Variants in CDH20 observed in about 807,000 individuals in gnomAD.
The protein encoded by CDH20 is cadherin 20, also known as cadherin-20.
CDH20 carries 29 observed loss-of-function variants against 74.2 expected under a neutral mutation model. That is an observed-to-expected ratio of 0.39 (90% CI 0.29 to 0.53). The LOEUF is 0.53. Ranked by LOEUF, CDH20 falls within the 20% of genes least tolerant of loss-of-function variation. CDH20 has a pLI of 0.69. For missense variants in CDH20, 988 were observed against 1,048.3 expected, an observed-to-expected ratio of 0.94 and a Z score of 0.79; for synonymous variants, 469 against 405.4, an observed-to-expected ratio of 1.16 and a Z score of -1.88.
At chr18:61,515,191 A>G (rs1398680746) in intron 6 of CDH20, among the ~76,000 whole-genome samples, 1 of 152,142 alleles carries the variant, frequency 6.6e-6, no homozygotes, top group Admixed American at 6.5e-5. Context: ...GGTGCGGGAT[A>G]TAATCTCGTG....
At chr18:61,463,629 G>A (rs190803161) in intron 1 of CDH20, among the ~76,000 whole-genome samples, 15 of 152,218 alleles carry the variant, frequency 9.9e-5, no homozygotes, top group African/African-American at 2.6e-4. Flanking sequence ...AAAGAGGAGA[G>A]TAGTGCTGGG....
At chr18:61,488,958 T>A (rs1568160711) in intron 1 of CDH20, among the ~76,000 whole-genome samples, 1 of 152,238 alleles carries the variant, frequency 6.6e-6, no homozygotes, top group Non-Finnish European at 1.5e-5. Flanking sequence ...GTAACCCACC[T>A]GCTAGCAGCA....
chr18:61,367,162 T>C (rs1384055532), intron 1 of CDH20, among the ~76,000 whole-genome samples: 2 of 152,168 alleles, frequency 1.3e-5, no homozygotes, highest in South Asian at 2.1e-4. Flanking sequence ...CTAAAAGAGT[T>C]TGCCAATTCT....
At chr18:61,518,242 A>C (rs772103788) in intron 6 of CDH20, among the ~76,000 whole-genome samples, 1 of 152,172 alleles carries the variant, frequency 6.6e-6, no homozygotes, top group African/African-American at 2.4e-5. Context: ...GACAGCAGTG[A>C]ATCTCTCAGC....
chr18:61,445,693 A>ATT (rs1194580232), intron 1 of CDH20, among the ~76,000 whole-genome samples: 3 of 152,208 alleles, frequency 2.0e-5, no homozygotes, highest in African/African-American at 7.2e-5. Flanking sequence ...ACATTGCTAA[A>ATT]ACCCTATTCC....
intron 1 of CDH20, among the ~76,000 whole-genome samples, chr18:61,474,537 G>A (rs1910298987): frequency 6.6e-6 from 1 of 152,170 alleles, no homozygotes; most frequent in African/African-American, 2.4e-5. Flanking sequence ...AGTCCCACCT[G>A]CTGGTTCCTC....
At chr18:61,432,864 T>C (rs1370956045) in intron 1 of CDH20, among the ~76,000 whole-genome samples, 1 of 152,262 alleles carries the variant, frequency 6.6e-6, no homozygotes, top group East Asian at 1.9e-4. Flanking sequence ...GGAAAGTTGT[T>C]TGTAGTTCAA....
intron 1 of CDH20, among the ~76,000 whole-genome samples, chr18:61,438,315 GAA>G (rs1360085365): frequency 6.6e-6 from 1 of 151,992 alleles, no homozygotes; most frequent in African/African-American, 2.4e-5. Flanking sequence ...GTGGTGACAG[GAA>G]AAAGAGAGGA....
chr18:61,500,969 C>T (rs542491926), intron 4 of CDH20, among the ~76,000 whole-genome samples: 75 of 152,330 alleles, frequency 4.9e-4, no homozygotes, highest in Non-Finnish European at 8.8e-5. Context: ...TTGAGAGCTA[C>T]TAAAGTTCAT....
At chr18:61,392,905 C>G (rs1238042149) in intron 1 of CDH20, among the ~76,000 whole-genome samples, 1 of 151,980 alleles carries the variant, frequency 6.6e-6, no homozygotes, top group Non-Finnish European at 1.5e-5. Context: ...GGTGCACTGT[C>G]TGGCTGTTGC....
chr18:61,439,991 CTTACTGCA>C (rs1052762693), intron 1 of CDH20, among the ~76,000 whole-genome samples: 25 of 152,168 alleles, frequency 1.6e-4, no homozygotes, highest in African/African-American at 5.3e-4. Context: ...ATGGCAAACT[CTTACTGCA>C]TTAATGAGTT....
intron 2 of CDH20, among the ~76,000 whole-genome samples, chr18:61,496,418 C>G (rs917172057): frequency 6.6e-6 from 1 of 151,056 alleles, no homozygotes; most frequent in Admixed American, 6.6e-5. Context: ...ACCATCCATA[C>G]GGAACTTTCG....
chr18:61,336,589 A>T (rs1012230148), intron 1 of CDH20, among the ~76,000 whole-genome samples: 3 of 152,210 alleles, frequency 2.0e-5, no homozygotes, highest in Admixed American at 6.5e-5. Flanking sequence ...CTAGAAAATT[A>T]GCAGTTCAGA....
intron 6 of CDH20, among the ~76,000 whole-genome samples, chr18:61,508,415 G>C (rs371167709): frequency 1.3e-5 from 2 of 152,164 alleles, no homozygotes; most frequent in South Asian, 4.1e-4. Context: ...ACTGATATGG[G>C]AGGGGGAGCC....
intron 1 of CDH20, among the ~76,000 whole-genome samples, chr18:61,365,888 TTGAGGG>T (rs1044646276): frequency 5.3e-5 from 8 of 152,292 alleles, no homozygotes; most frequent in Admixed American, 5.2e-4. Context: ...AAATTGACCT[TTGAGGG>T]TGTAGGTGTT....
intron 1 of CDH20, among the ~76,000 whole-genome samples, chr18:61,369,505 G>C (rs1464327365): frequency 6.6e-6 from 1 of 152,108 alleles, no homozygotes; most frequent in South Asian, 2.1e-4. Flanking sequence ...TAAAAGAGGT[G>C]TATATTCCAT....
chr18:61,337,854 C>T (rs553592130), intron 1 of CDH20, among the ~76,000 whole-genome samples: 3 of 152,118 alleles, frequency 2.0e-5, no homozygotes, highest in East Asian at 1.9e-4. Context: ...GATATTGACA[C>T]GGAATATAGA....
In CDH20 at chr18:61,555,265, C is replaced by T. The variant is rs1286770472; in HGVS notation, c.*570C>T. ...TGAGACAAGGTTAAGACTGAATCAG[C>T]CTTGCATGGGGGTGGATGGGTGGGA... On this transcript the variant is annotated 3_prime_UTR_variant, in exon 12 of 12. Transcript: ENST00000262717. The T allele has an allele frequency of 2.5e-6, 2 of 785,458 alleles. No homozygotes were observed. The highest frequency in any genetic ancestry group is 1.5e-4 in the East Asian group (1 of 6,796). 48.7% of individuals were successfully genotyped at this position (785,458 alleles called of 1,614,324 possible). A position where few individuals can be genotyped will look rare whatever the true frequency, so the allele number is the denominator to read the frequency against.
intron 11 of CDH20, among the ~76,000 whole-genome samples, chr18:61,553,973 G>A (rs1223893055): frequency 6.6e-6 from 1 of 152,132 alleles, no homozygotes; most frequent in East Asian, 1.9e-4. Context: ...ACCATTTGAA[G>A]AAATACAGGG....
Sources: gnomAD v4.1 joint callset for allele counts (sites outside exome capture counted in the v4.1 genomes callset) on GRCh38, gnomAD v4.1.1 for gene constraint, MANE v1.5 for transcripts, NCBI Gene and HGNC (gene_info 2026-07-23, HGNC 2026-07-21) for gene names.